Variants in NAV2 observed in about 807,000 individuals in gnomAD.
NAV2 encodes helicase, APC down-regulated 1.
In NAV2, 54 loss-of-function variants were observed where a neutral mutation model predicts 223.2. The observed-to-expected ratio is 0.24, with a 90% CI of 0.19 to 0.30. The LOEUF is 0.30. Ranked by LOEUF, NAV2 falls within the 10% of genes least tolerant of loss-of-function variation. NAV2 has a pLI of 1.00. For synonymous variants in NAV2, 1,279 were observed against 1,239.3 expected, an observed-to-expected ratio of 1.03 and a Z score of -0.67; for missense variants, 2,806 against 3,147.5, an observed-to-expected ratio of 0.89 and a Z score of 2.60.
chr11:19,764,630 G>A (rs1189407630), intron 1 of NAV2, among the ~76,000 whole-genome samples: 1 of 152,188 alleles, frequency 6.6e-6, no homozygotes, highest in Non-Finnish European at 1.5e-5. Context: ...GTAAGAGTAA[G>A]CCTTCAGTAC....
chr11:19,806,944 G>A (rs2058599364), intron 1 of NAV2, among the ~76,000 whole-genome samples: 1 of 152,118 alleles, frequency 6.6e-6, no homozygotes, highest in East Asian at 1.9e-4. Flanking sequence ...ACCCTTGAAG[G>A]GAAAAGAAAA....
At chr11:19,494,998 T>C (rs1296694832) in intron 1 of NAV2, among the ~76,000 whole-genome samples, 2 of 152,042 alleles carry the variant, frequency 1.3e-5, no homozygotes, top group Admixed American at 6.5e-5. Flanking sequence ...TGGGCACAGG[T>C]CAGGAACCCC....
intron 19 of NAV2, among the ~76,000 whole-genome samples, chr11:20,061,506 T>C (rs1403964394): frequency 2.0e-5 from 3 of 151,156 alleles, no homozygotes; most frequent in Non-Finnish European, 4.4e-5. Context: ...GAGGCAGAGG[T>C]TGTGGTGAGC....
At chr11:19,620,769 T>C (rs1192060675) in intron 1 of NAV2, among the ~76,000 whole-genome samples, 14 of 152,204 alleles carry the variant, frequency 9.2e-5, no homozygotes, top group Admixed American at 2.6e-4. Context: ...TCCTGCCTGA[T>C]TGCCCTGGCC....
At chr11:19,975,456 G>A (rs903988809) in intron 10 of NAV2, among the ~76,000 whole-genome samples, 6 of 152,100 alleles carry the variant, frequency 3.9e-5, no homozygotes, top group African/African-American at 7.2e-5. Context: ...CTTTATATAC[G>A]TATAGATCTT....
intron 3 of NAV2, among the ~76,000 whole-genome samples, chr11:19,849,497 G>T (rs1033050591): frequency 1.3e-5 from 2 of 152,182 alleles, no homozygotes; most frequent in African/African-American, 2.4e-5. Context: ...GAGCCCTGGC[G>T]CCAGGTACCT....
intron 1 of NAV2, among the ~76,000 whole-genome samples, chr11:19,720,466 C>T (rs538077392): frequency 1.3e-5 from 2 of 152,110 alleles, no homozygotes; most frequent in Non-Finnish European, 2.9e-5. Context: ...AATATTTTGC[C>T]TCTTCTTCCA....
At chr11:19,867,753 A>G (rs1050873262) in intron 3 of NAV2, among the ~76,000 whole-genome samples, 2 of 152,236 alleles carry the variant, frequency 1.3e-5, no homozygotes, top group African/African-American at 4.8e-5. Context: ...AGTTTTATTC[A>G]GGTATCCCAT....
chr11:19,468,171 C>T (rs902022466), intron 1 of NAV2, among the ~76,000 whole-genome samples: 1 of 152,162 alleles, frequency 6.6e-6, no homozygotes, highest in African/African-American at 2.4e-5. Flanking sequence ...TCACTTGCTG[C>T]GTGATCTTGG....
Position 19,888,577 on chromosome 11 carries a change from G to A in NAV2, c.771-3857G>A, listed in dbSNP as rs539512379. Among the ~76,000 whole-genome samples the A allele has an allele frequency of 2.6e-5, 4 of 152,244 alleles. No homozygotes were observed. The East Asian group carries it at 7.7e-4, about 29-fold the overall frequency. ...GATATTCTGCTTTTCACCTCTACCT[G>A]TGCTCTCAGCCTCCTTAATTAACAC... On this transcript the variant is annotated intron_variant, in intron 5 of 37. Coordinates refer to ENST00000349880, the MANE Select transcript of NAV2 (RefSeq NM_145117.5).
rs576621690 is a variant in NAV2, at chr11:19,488,357, T to C, written c.75+137330T>C. 5.2e-5 allele frequency among the ~76,000 whole-genome samples: 8 copies of C among 152,398 alleles called. No individual in the cohort carries two copies. In the South Asian group the frequency reaches 1.7e-3, roughly 32 times the overall value. On this transcript the variant is annotated intron_variant, in intron 1 of 37. Transcript: ENST00000360655. ...GTGCATTTGAGACTGTCATCCTTTA[T>C]ACTCACTCAATGTGCAGGCATTGCT... is the stretch of plus-strand genomic sequence containing the variant.
At chr11:19,941,972 G>T (rs2046439368) in intron 8 of NAV2, among the ~76,000 whole-genome samples, 1 of 151,842 alleles carries the variant, frequency 6.6e-6, no homozygotes, top group African/African-American at 2.4e-5. Context: ...TGGTCCTTTT[G>T]TAACACTTTG....
chr11:19,659,029 G>A (rs2048203088), intron 1 of NAV2, among the ~76,000 whole-genome samples: 2 of 152,186 alleles, frequency 1.3e-5, no homozygotes, highest in African/African-American at 4.8e-5. Context: ...GGCCCTGGAA[G>A]TACTTCAGTG....
intron 1 of NAV2, among the ~76,000 whole-genome samples, chr11:19,696,277 G>A (rs1281370775): frequency 6.6e-6 from 1 of 152,254 alleles, no homozygotes; most frequent in Non-Finnish European, 1.5e-5. Flanking sequence ...TTCCCATCTG[G>A]AATTAGGTGT....
intron 1 of NAV2, among the ~76,000 whole-genome samples, chr11:19,599,241 G>A (rs2046291902): frequency 1.3e-5 from 2 of 152,130 alleles, no homozygotes; most frequent in South Asian, 4.1e-4. Flanking sequence ...TTCTCACCAT[G>A]TTCTTTGGTT....
intron 3 of NAV2, among the ~76,000 whole-genome samples, chr11:19,860,410 C>T (rs1373888333): frequency 1.4e-5 from 2 of 145,542 alleles, no homozygotes; most frequent in South Asian, 2.3e-4. Context: ...AGGGCAGAGG[C>T]GCTCCCCACA....
chr11:19,442,067 C>G (rs774793148), intron 1 of NAV2, among the ~76,000 whole-genome samples: 18 of 152,354 alleles, frequency 1.2e-4, no homozygotes, highest in East Asian at 1.2e-3. Flanking sequence ...TTGGGAACCA[C>G]TGGCTCAGGC....
intron 1 of NAV2, among the ~76,000 whole-genome samples, chr11:19,364,292 G>T (rs1353236512): frequency 6.6e-6 from 1 of 152,206 alleles, no homozygotes; most frequent in East Asian, 1.9e-4. Context: ...TCAGTGATGA[G>T]AACTACATAT....
intron 6 of NAV2, among the ~76,000 whole-genome samples, chr11:19,910,117 T>C (rs1808893347): frequency 6.6e-6 from 1 of 152,128 alleles, no homozygotes; most frequent in South Asian, 2.1e-4. Flanking sequence ...AGTAGTAACA[T>C]CTCCATTTTA....
Sources: gnomAD v4.1 joint callset for allele counts (sites outside exome capture counted in the v4.1 genomes callset) on GRCh38, gnomAD v4.1.1 for gene constraint, MANE v1.5 for transcripts, NCBI Gene and HGNC (gene_info 2026-07-23, HGNC 2026-07-21) for gene names.